NCKAP5: variants seen among roughly 807,000 people sequenced by gnomAD.
NCKAP5 encodes nck-associated protein 5.
Under a neutral mutation model 167.0 loss-of-function variants are expected in NCKAP5, and 92 were observed. The observed-to-expected ratio is 0.55, with a 90% CI of 0.47 to 0.66. NCKAP5 has a LOEUF of 0.66. Ranked by LOEUF, NCKAP5 falls within the 30% of genes least tolerant of loss-of-function variation. NCKAP5 has a pLI of 0.00. For missense variants in NCKAP5, 2,378 were observed against 2,315.0 expected, an observed-to-expected ratio of 1.03 and a Z score of -0.56; for synonymous variants, 891 against 877.4, an observed-to-expected ratio of 1.02 and a Z score of -0.27.
At chr2:133,607,657 T>A in the NCKAP5 span, among the ~76,000 whole-genome samples, 3 of 152,222 alleles carry the variant, frequency 2.0e-5, no homozygotes, top group South Asian at 2.1e-4. Flanking sequence ...ATTTTAATGC[T>A]ACCAGAGTTA....
chr2:133,464,145 C>T (rs1473661259), intron 3 of NCKAP5, among the ~76,000 whole-genome samples: 4 of 152,148 alleles, frequency 2.6e-5, no homozygotes, highest in Non-Finnish European at 5.9e-5. Context: ...GTCCTCTGGG[C>T]TTCTGGGAAT....
At chr2:133,663,110 C>T in the NCKAP5 span, among the ~76,000 whole-genome samples, 1 of 151,762 alleles carries the variant, frequency 6.6e-6, no homozygotes, top group East Asian at 1.9e-4. Context: ...ACTAAAAATA[C>T]AAAAAATTAG....
chr2:133,473,157 C>T (rs1679507844), intron 3 of NCKAP5, among the ~76,000 whole-genome samples: 1 of 152,034 alleles, frequency 6.6e-6, no homozygotes, highest in African/African-American at 2.4e-5. Context: ...GATGGTGAAA[C>T]CCCATCTCTA....
At chr2:133,597,991 TAAA>T in the NCKAP5 span, among the ~76,000 whole-genome samples, 1 of 152,138 alleles carries the variant, frequency 6.6e-6, no homozygotes, top group Non-Finnish European at 1.5e-5. Context: ...CCCACCTGGG[TAAA>T]CTGGGAGAAA....
At chr2:133,219,401 G>A (rs548579267) in intron 4 of NCKAP5, among the ~76,000 whole-genome samples, 3 of 152,296 alleles carry the variant, frequency 2.0e-5, no homozygotes, top group Admixed American at 2.0e-4. Context: ...CTCCGTAATT[G>A]TTTTAAGACA....
At chr2:133,518,253 A>G (rs1684176713) in intron 2 of NCKAP5, among the ~76,000 whole-genome samples, 1 of 151,892 alleles carries the variant, frequency 6.6e-6, no homozygotes, top group African/African-American at 2.4e-5. Flanking sequence ...ATTCTGGTTA[A>G]TAAGGATTCA....
intron 4 of NCKAP5, among the ~76,000 whole-genome samples, chr2:133,239,777 G>A (rs376330134): frequency 3.3e-5 from 5 of 152,318 alleles, no homozygotes; most frequent in Admixed American, 3.3e-4. Flanking sequence ...AAAGTCAGGT[G>A]TAATTAAAAG....
In NCKAP5 at chr2:133,390,429, G is replaced by A. The variant is rs373880227; in HGVS notation, c.70-87319C>T. Reference sequence around the variant, plus strand: ...CGACCCGATACCCTGGAGGAACACAGGCCTATTTCCACACTAGTTCCTCCT... The same window carrying A: ...CGACCCGATACCCTGGAGGAACACAAGCCTATTTCCACACTAGTTCCTCCT... On this transcript the variant is annotated intron_variant, in intron 3 of 19. Transcript: ENST00000409261. 7.2e-5 allele frequency among the ~76,000 whole-genome samples: 11 copies of A among 152,302 alleles called. No homozygotes were observed. The East Asian group carries it at 1.4e-3, about 19-fold the overall frequency.
chr2:132,715,954 C>G (rs1188725276), intron 19 of NCKAP5, among the ~76,000 whole-genome samples: 4 of 152,142 alleles, frequency 2.6e-5, no homozygotes, highest in East Asian at 1.9e-4. Flanking sequence ...TTGGCTTCTT[C>G]TTGTCACTAC....
At chr2:133,551,124 G>C (rs1687254984) in intron 2 of NCKAP5, among the ~76,000 whole-genome samples, 1 of 151,992 alleles carries the variant, frequency 6.6e-6, no homozygotes, top group African/African-American at 2.4e-5. Flanking sequence ...AACATTCCAT[G>C]CTCATGGGTA....
rs1573880274 is a variant in NCKAP5, at chr2:133,053,260, A to G, written c.342-59021T>C. On this transcript the variant is annotated intron_variant, in intron 6 of 19. Coordinates refer to ENST00000409261, the MANE Select transcript of NCKAP5 (RefSeq NM_207363.3). The stretch of plus-strand genomic sequence containing the variant: ...AATAGCTTTAGTTTTCATGATTAGA[A>G]TAACACTGTCCAGAAAGAAAGATGC... 3.9e-5 allele frequency among the ~76,000 whole-genome samples: 6 copies of G among 152,180 alleles called. 1 individual carries two copies. In the South Asian group the frequency reaches 8.3e-4, roughly 21 times the overall value.
At position 132,673,093 on chromosome 2, in the gene NCKAP5, C is replaced by T; in HGVS notation, c.*196G>A. On this transcript the variant is annotated 3_prime_UTR_variant, in exon 20 of 20. Transcript: ENST00000409261. ...CATATAAAGAATCACTCAAAGATTC[C>T]AAGTTGTCTACCCCAGGCCTATCTG... The T allele has an allele frequency of 8.1e-7, 1 of 1,227,606 alleles. No individual in the cohort carries two copies. Among genetic ancestry groups the T allele is most frequent in the Non-Finnish European group, 1.0e-6 (1 of 984,130 alleles). The allele number at this position is 1,227,606 out of a possible 1,614,324, so 76.0% of individuals were successfully genotyped here.
chr2:133,187,876 C>T (rs572065902), intron 5 of NCKAP5, among the ~76,000 whole-genome samples: 4 of 152,072 alleles, frequency 2.6e-5, no homozygotes, highest in East Asian at 3.9e-4. Context: ...TGCGTTTGCA[C>T]GTGAGATGGG....
intron 4 of NCKAP5, among the ~76,000 whole-genome samples, chr2:133,282,230 T>C (rs973223476): frequency 2.6e-5 from 4 of 152,216 alleles, no homozygotes; most frequent in African/African-American, 9.7e-5. Flanking sequence ...AATACTGTCA[T>C]ATAATGATAA....
chr2:133,140,059 G>C (rs1162830948), intron 5 of NCKAP5, among the ~76,000 whole-genome samples: 1 of 152,076 alleles, frequency 6.6e-6, no homozygotes, highest in African/African-American at 2.4e-5. Flanking sequence ...TTCATAAAAA[G>C]TCAATGACTC....
intron 3 of NCKAP5, among the ~76,000 whole-genome samples, chr2:133,510,833 C>T (rs548646993): frequency 2.9e-4 from 44 of 152,310 alleles, no homozygotes; most frequent in Middle Eastern, 3.4e-3. Context: ...CTTACCAGTT[C>T]CATTGCCTTG....
chr2:133,127,131 A>T (rs1316678281), intron 6 of NCKAP5, among the ~76,000 whole-genome samples: 1 of 152,228 alleles, frequency 6.6e-6, no homozygotes, highest in Non-Finnish European at 1.5e-5. Context: ...AATTATTTAG[A>T]TGACCATATT....
chr2:132,785,574 CT>C lies in NCKAP5; in HGVS notation c.1236del (p.Val413CysfsTer8). ...ATCACTGATGGGGGTTCAAGTAACACTTTTCGCTTCTGTAGCTTTCTTAGCC... is the reference window on the plus strand; with the variant it reads ...ATCACTGATGGGGGTTCAAGTAACACTTTCGCTTCTGTAGCTTTCTTAGCC... ...LEGLRKLQKR[K>X]VLLEPPSVIT... On this transcript the variant is annotated frameshift_variant, in exon 14 of 20. Transcript: ENST00000409261. LOFTEE classifies it high-confidence loss of function. 6.3e-7 allele frequency: 1 copy of C among 1,596,520 alleles called. No individual in the cohort carries two copies.
chr2:133,303,632 G>A (rs779622355), intron 3 of NCKAP5, among the ~76,000 whole-genome samples: 1 of 150,106 alleles, frequency 6.7e-6, no homozygotes, highest in Non-Finnish European at 1.5e-5. Context: ...ACACAAAACA[G>A]TGTATTTGCT....
Sources: allele counts gnomAD v4.1 joint callset (sites outside exome capture counted in the v4.1 genomes callset), GRCh38; gene constraint gnomAD v4.1.1; transcripts MANE v1.5; gene names NCBI Gene and HGNC (gene_info 2026-07-23, HGNC 2026-07-21).